Variants in CPNE8 observed in about 807,000 individuals in gnomAD.
CPNE8 encodes copine 8.
CPNE8 carries 45 observed loss-of-function variants against 81.5 expected under a neutral mutation model. The ratio of observed to expected loss-of-function variants is 0.55; its 90% CI spans 0.44 to 0.71. The LOEUF is 0.71. Ranked by LOEUF, CPNE8 falls within the 30% of genes least tolerant of loss-of-function variation. The probability of loss-of-function intolerance (pLI) is 0.00; values close to 1 mark genes in which losing one functional copy is unlikely to be tolerated. For synonymous variants in CPNE8, 252 were observed against 226.3 expected, an observed-to-expected ratio of 1.11 and a Z score of -1.02; for missense variants, 594 against 672.1, an observed-to-expected ratio of 0.88 and a Z score of 1.28.
chr12:38,867,447 A>G (rs558832947), intron 3 of CPNE8, among the ~76,000 whole-genome samples: 2 of 152,132 alleles, frequency 1.3e-5, no homozygotes, highest in African/African-American at 4.8e-5. Context: ...CTCAGTGTCA[A>G]TGGAATGGAG....
chr12:38,683,519 G>C (rs1343644865), intron 16 of CPNE8, among the ~76,000 whole-genome samples: 2 of 151,942 alleles, frequency 1.3e-5, no homozygotes, highest in African/African-American at 4.8e-5. Flanking sequence ...TCTCTTAATA[G>C]AGAAAAAAAT....
chr12:38,854,342 C>T (rs904809128), intron 3 of CPNE8, among the ~76,000 whole-genome samples: 9 of 126,056 alleles, frequency 7.1e-5, no homozygotes, highest in African/African-American at 1.9e-4. Context: ...ACTCATTATC[C>T]GAGGCATTTT....
intron 10 of CPNE8, among the ~76,000 whole-genome samples, chr12:38,753,825 G>C (rs1441471112): frequency 6.6e-6 from 1 of 152,036 alleles, no homozygotes. Context: ...ATCTCTTACT[G>C]TGCCTAAGGT....
chr12:38,677,891 G>C (rs1253644234), intron 16 of CPNE8, among the ~76,000 whole-genome samples: 1 of 151,912 alleles, frequency 6.6e-6, no homozygotes, highest in Non-Finnish European at 1.5e-5. Flanking sequence ...TTATGTAAGT[G>C]ATCTTCAGTA....
At chr12:38,674,307 A>G (rs747544729) in intron 18 of CPNE8, among the ~76,000 whole-genome samples, 29 of 152,266 alleles carry the variant, frequency 1.9e-4, no homozygotes, top group Non-Finnish European at 3.8e-4. Flanking sequence ...ATTGAGGTTT[A>G]CCATCTCTGA....
chr12:38,806,297 C>CA (rs1322492392), intron 6 of CPNE8, among the ~76,000 whole-genome samples: 63 of 149,742 alleles, frequency 4.2e-4, no homozygotes, highest in African/African-American at 1.5e-3. Context: ...AGAGACACAC[C>CA]AAAAAAGATA....
intron 10 of CPNE8, among the ~76,000 whole-genome samples, chr12:38,750,302 C>T (rs1941328113): frequency 6.6e-6 from 1 of 152,144 alleles, no homozygotes; most frequent in African/African-American, 2.4e-5. Flanking sequence ...CATGGAGAAC[C>T]TCTGCTAGGA....
In CPNE8 at chr12:38,787,289, C is replaced by T. The variant is rs189255316; in HGVS notation, c.408-10988G>A. On this transcript the variant is annotated intron_variant, in intron 6 of 19. Coordinates refer to ENST00000331366, the MANE Select transcript of CPNE8 (RefSeq NM_153634.3). ...ACTACAATGTAATAAAACTAGATAT[C>T]AACCACAAGGGGAATTTGAGAAAAT... Among the ~76,000 whole-genome samples, 218 of 151,704 alleles carry T rather than the reference C, an allele frequency of 1.4e-3. 3 individuals are homozygous for T. The highest frequency in any genetic ancestry group is 6.9e-3 in the Middle Eastern group (2 of 290).
chr12:38,783,804 G>A (rs1942106649), intron 6 of CPNE8, among the ~76,000 whole-genome samples: 1 of 152,218 alleles, frequency 6.6e-6, no homozygotes, highest in African/African-American at 2.4e-5. Context: ...AAGAACCACA[G>A]CATTGGTGGG....
chr12:38,759,140 T>C (rs1941524735), intron 10 of CPNE8, among the ~76,000 whole-genome samples: 1 of 152,214 alleles, frequency 6.6e-6, no homozygotes, highest in Non-Finnish European at 1.5e-5. Context: ...ACAGTTTTTA[T>C]ATTTTCACAC....
intron 19 of CPNE8, among the ~76,000 whole-genome samples, chr12:38,663,012 G>A (rs1429529685): frequency 6.6e-6 from 1 of 151,956 alleles, no homozygotes; most frequent in Non-Finnish European, 1.5e-5. Flanking sequence ...AGACTTAAAT[G>A]TAAGATCCTA....
At position 38,905,425 on chromosome 12, in the gene CPNE8, C is replaced by A. The variant is rs973144998; in HGVS notation, c.98+12G>T. ...GAGAGGGCAGGAGAGAGGGGAAGGG[C>A]TGCGTCCTCACCTGCAGGACACGGA... is the stretch of plus-strand genomic sequence containing the variant. On this transcript the variant is annotated intron_variant, in intron 1 of 19. Transcript: ENST00000331366. 1.2e-5 allele frequency: 19 copies of A among 1,553,986 alleles called. No individual in the cohort carries two copies. The highest frequency in any genetic ancestry group is 1.6e-5 in the Non-Finnish European group (18 of 1,149,646).
chr12:38,731,945 G>A (rs1287904778), intron 10 of CPNE8, among the ~76,000 whole-genome samples: 2 of 151,026 alleles, frequency 1.3e-5, no homozygotes, highest in Non-Finnish European at 3.0e-5. Flanking sequence ...TTTTTTTTTA[G>A]AATCCATCCT....
At chr12:38,770,524 C>G (rs921691640) in intron 7 of CPNE8, among the ~76,000 whole-genome samples, 1 of 152,168 alleles carries the variant, frequency 6.6e-6, no homozygotes, top group Non-Finnish European at 1.5e-5. Context: ...AGTCTTGAAA[C>G]ATGAAAAATT....
chr12:38,896,064 G>A (rs2137153850), intron 1 of CPNE8, among the ~76,000 whole-genome samples: 1 of 152,218 alleles, frequency 6.6e-6, no homozygotes, highest in South Asian at 2.1e-4. Context: ...CTGACAAAGA[G>A]TTAGATTTTG....
intron 13 of CPNE8, among the ~76,000 whole-genome samples, chr12:38,708,885 G>A (rs1018579146): frequency 6.6e-6 from 1 of 152,184 alleles, no homozygotes; most frequent in Non-Finnish European, 1.5e-5. Flanking sequence ...AACTGTGATA[G>A]GGATGTGCAG....
At chr12:38,688,698 A>G (rs1309406547) in intron 15 of CPNE8, among the ~76,000 whole-genome samples, 1 of 152,104 alleles carries the variant, frequency 6.6e-6, no homozygotes, top group Non-Finnish European at 1.5e-5. Flanking sequence ...GTTGGAGACC[A>G]TTATTCTAAG....
At chr12:38,783,319 A>G (rs1472172750) in intron 6 of CPNE8, among the ~76,000 whole-genome samples, 1 of 152,316 alleles carries the variant, frequency 6.6e-6, no homozygotes, top group East Asian at 1.9e-4. Flanking sequence ...TGAAAATCAG[A>G]TGAGCACTCA....
At chr12:38,771,178 G>T (rs986898032) in intron 7 of CPNE8, among the ~76,000 whole-genome samples, 5 of 151,638 alleles carry the variant, frequency 3.3e-5, no homozygotes, top group Non-Finnish European at 5.9e-5. Context: ...TACATAAAAG[G>T]CCAGGCATAG....
Sources: allele counts gnomAD v4.1 joint callset (sites outside exome capture counted in the v4.1 genomes callset), GRCh38; gene constraint gnomAD v4.1.1; transcripts MANE v1.5; gene names NCBI Gene and HGNC (gene_info 2026-07-23, HGNC 2026-07-21).